Variants in CADM1 observed in about 807,000 individuals in gnomAD.
CADM1 encodes cell adhesion molecule 1, also known as TSLC-1.
In CADM1, 15 loss-of-function variants were observed where a neutral mutation model predicts 53.1. That is an observed-to-expected ratio of 0.28 (90% confidence interval 0.19 to 0.44). The LOEUF is 0.44. Ranked by LOEUF, CADM1 falls within the 20% of genes least tolerant of loss-of-function variation. The pLI, the probability that CADM1 is intolerant of heterozygous loss-of-function variation, is 1.00. For missense variants in CADM1, 434 were observed against 611.3 expected (o/e 0.71, Z 3.06); for synonymous variants, 281 against 243.0 (o/e 1.16, Z -1.45).
chr11:115,486,298 T>C, intron 1 of CADM1, among the ~76,000 whole-genome samples: 1 of 152,190 alleles, frequency 6.6e-6, no homozygotes, highest in East Asian at 1.9e-4. Context: ...TGATGTTACT[T>C]CACTGTTCAA....
intron 1 of CADM1, among the ~76,000 whole-genome samples, chr11:115,447,656 T>G (rs992506324): frequency 4.6e-5 from 7 of 152,198 alleles, no homozygotes; most frequent in Non-Finnish European, 8.8e-5. Flanking sequence ...GATTCCCCAG[T>G]GCCTGGATCC....
At chr11:115,185,747 G>A (rs1939511833) in intron 10 of CADM1, among the ~76,000 whole-genome samples, 1 of 152,172 alleles carries the variant, frequency 6.6e-6, no homozygotes, top group Non-Finnish European at 1.5e-5. Context: ...GCAACAGGAA[G>A]GCACTGAGGA....
chr11:115,185,134 G>A (rs915275793), intron 10 of CADM1, among the ~76,000 whole-genome samples: 1 of 152,190 alleles, frequency 6.6e-6, no homozygotes, highest in Non-Finnish European at 1.5e-5. Flanking sequence ...AAATGAAAGT[G>A]CCTATTTGGC....
chr11:115,346,645 T>C (rs1005081165), intron 1 of CADM1, among the ~76,000 whole-genome samples: 2 of 152,188 alleles, frequency 1.3e-5, no homozygotes, highest in Non-Finnish European at 2.9e-5. Flanking sequence ...ACTTTCTGAA[T>C]ATCAACTTTT....
chr11:115,453,493 CTTG>C (rs1948620452), intron 1 of CADM1, among the ~76,000 whole-genome samples: 1 of 151,810 alleles, frequency 6.6e-6, no homozygotes, highest in Non-Finnish European at 1.5e-5. Flanking sequence ...AAATAACTTA[CTTG>C]TTGTCATTGT....
At chr11:115,223,551 G>A (rs940903820) in intron 5 of CADM1, among the ~76,000 whole-genome samples, 1 of 152,090 alleles carries the variant, frequency 6.6e-6, no homozygotes, top group Non-Finnish European at 1.5e-5. Context: ...GAGAGGAGGT[G>A]GTTCTTAGTA....
intron 1 of CADM1, among the ~76,000 whole-genome samples, chr11:115,247,161 T>C (rs1942434784): frequency 6.6e-6 from 1 of 152,240 alleles, no homozygotes. Context: ...CATGGTTTGA[T>C]TATGTAATTA....
chr11:115,498,471 T>C (rs1248410226), intron 1 of CADM1, among the ~76,000 whole-genome samples: 2 of 152,180 alleles, frequency 1.3e-5, no homozygotes, highest in African/African-American at 4.8e-5. Flanking sequence ...ATGGGAACAA[T>C]TGGAAATGGC....
chr11:115,184,046 T>C (rs955399037), intron 10 of CADM1, among the ~76,000 whole-genome samples: 4 of 152,166 alleles, frequency 2.6e-5, no homozygotes, highest in Non-Finnish European at 5.9e-5. Context: ...GTGTTTGTAA[T>C]GGAAATGCTG....
At chr11:115,329,514 G>T (rs571778816) in intron 1 of CADM1, among the ~76,000 whole-genome samples, 5 of 152,154 alleles carry the variant, frequency 3.3e-5, no homozygotes, top group Non-Finnish European at 5.9e-5. Flanking sequence ...CCTTATGGGA[G>T]GGGGAGCACA....
In CADM1 at chr11:115,438,724, A is replaced by T. The variant is rs1301965170; in HGVS notation, c.124+65547T>A. Among the ~76,000 whole-genome samples the T allele has an allele frequency of 2.6e-5, 4 of 152,112 alleles. No individual in the cohort carries two copies. In the East Asian group the frequency reaches 7.7e-4, roughly 29 times the overall value. On this transcript the variant is annotated intron_variant, in intron 1 of 11. Transcript: ENST00000331581. ...TTTTACATAATATGGTTTGATCAAA[A>T]AAAAAGGTCCATTTATAGAATGCTT...
intron 1 of CADM1, among the ~76,000 whole-genome samples, chr11:115,373,483 G>A (rs1591757677): frequency 6.6e-6 from 1 of 150,912 alleles, no homozygotes; most frequent in South Asian, 2.1e-4. Flanking sequence ...TGCTCCGGTG[G>A]CTGAGGCGTG....
At chr11:115,211,519 G>T (rs185277163) in intron 7 of CADM1, among the ~76,000 whole-genome samples, 4 of 114,812 alleles carry the variant, frequency 3.5e-5, no homozygotes, top group African/African-American at 1.0e-4. Context: ...TTGCTTTGTC[G>T]CCCAGGCTGG....
chr11:115,399,217 C>T (rs141375206), intron 1 of CADM1: 6 of 152,268 alleles, frequency 3.9e-5, no homozygotes, highest in Non-Finnish European at 5.9e-5. Flanking sequence ...TGTATCCTTA[C>T]GAAAATCCAG....
At chr11:115,381,852 AT>A (rs372989990) in intron 1 of CADM1, among the ~76,000 whole-genome samples, 368 of 150,024 alleles carry the variant, frequency 2.5e-3, no homozygotes, top group African/African-American at 8.3e-3. Flanking sequence ...TAATAATAGG[AT>A]TTTTTTTTTG....
At chr11:115,187,423 GGTTT>G (rs1254840525) in intron 10 of CADM1, among the ~76,000 whole-genome samples, 1 of 152,086 alleles carries the variant, frequency 6.6e-6, no homozygotes. Flanking sequence ...GCTAAATGTA[GGTTT>G]GTTATTTTAT....
At chr11:115,328,715 T>TATATATATACATATATACGC (rs1464724518) in intron 1 of CADM1, among the ~76,000 whole-genome samples, 1 of 54,766 alleles carries the variant, frequency 1.8e-5, no homozygotes, top group African/African-American at 6.1e-5. Context: ...TATATATATG[T>TATATATATACATATATACGC]GTATATATAT....
At chr11:115,488,462 C>G (rs1949425012) in intron 1 of CADM1, among the ~76,000 whole-genome samples, 1 of 152,160 alleles carries the variant, frequency 6.6e-6, no homozygotes, top group African/African-American at 2.4e-5. Context: ...CCACCCCCTC[C>G]TCTCAAAAAC....
At chr11:115,206,163 C>T (rs1364803553) in intron 8 of CADM1, among the ~76,000 whole-genome samples, 1 of 152,208 alleles carries the variant, frequency 6.6e-6, no homozygotes, top group African/African-American at 2.4e-5. Context: ...AAGTGAAAGG[C>T]TGTATGGGTA....
Sources: gnomAD v4.1 joint callset for allele counts (sites outside exome capture counted in the v4.1 genomes callset) on GRCh38, gnomAD v4.1.1 for gene constraint, MANE v1.5 for transcripts, NCBI Gene and HGNC (gene_info 2026-07-23, HGNC 2026-07-21) for gene names.